Variants in PIK3R6 observed in about 807,000 individuals in gnomAD.
PIK3R6 encodes the protein phosphoinositide 3-kinase regulatory subunit 6.
A neutral mutation model predicts 84.9 loss-of-function variants in PIK3R6; 91 were observed. That is an observed-to-expected ratio of 1.07 (90% CI 0.90 to 1.28). The LOEUF (loss-of-function observed/expected upper bound fraction) is 1.28. Among genes scored for constraint, PIK3R6 ranks in the 50% most tolerant of loss-of-function variants. The pLI is 0.00. For synonymous variants in PIK3R6, 416 were observed against 411.4 expected (o/e 1.01, Z -0.13); for missense variants, 996 against 985.1 (o/e 1.01, Z -0.15).
At chr17:8,824,452 A>G (rs1320300373) in intron 13 of PIK3R6, among the ~76,000 whole-genome samples, 1 of 152,224 alleles carries the variant, frequency 6.6e-6, no homozygotes, top group Non-Finnish European at 1.5e-5. Flanking sequence ...TCCAACTCAT[A>G]TCCGATCCTC....
intron 8 of PIK3R6, 82 bp from the exon 9 acceptor site, chr17:8,833,127 G>A (rs2088321086): frequency 6.9e-7 from 1 of 1,451,478 alleles, no homozygotes; most frequent in Non-Finnish European, 9.1e-7. Context: ...GCAGGGCCCT[G>A]GCAGCCCAAG....
In PIK3R6 at chr17:8,836,804, C is replaced by A; in HGVS notation, c.378G>T (p.Glu126Asp). The change falls in exon 6 of 20, where the codon GAG (glutamate) becomes GAT (aspartate). Residue 126 changes from glutamate (E) to aspartate (D), a missense_variant. Glu to Asp is a conservative substitution (Grantham distance 45). Transcript: ENST00000619866. ...ALDCAIRLKT[E>D]MAVPGTLYQR... ...AGTGACTCTTACCTGGGACAGCCAT[C>A]TCCGTTTTCAGCCTTATCGCGCAGT... The A allele has an allele frequency of 6.2e-7, 1 of 1,608,840 alleles. No homozygotes were observed.
chr17:8,827,315 C>T (rs1597396056), intron 12 of PIK3R6, 21 bp from the exon 13 acceptor site: 2 of 1,547,050 alleles, frequency 1.3e-6, no homozygotes, highest in Non-Finnish European at 1.7e-6. Context: ...GGGGATGGGG[C>T]AGACCCGTCA....
chr17:8,806,376 C>T (rs756261568), intron 18 of PIK3R6, among the ~76,000 whole-genome samples: 9 of 152,196 alleles, frequency 5.9e-5, no homozygotes, highest in African/African-American at 1.4e-4. Context: ...TGGGCCTCCA[C>T]GCCCTGCCCA....
At position 8,851,697 on chromosome 17, in the gene PIK3R6, G is replaced by A. The variant is rs567866411; in HGVS notation, c.-91-1812C>T. ...CATGGCATCGCCGCTGTGGAAAATC[G>A]TATGGCATGTTCTTCAAAAAGTCAA... On this transcript the variant is annotated intron_variant, in intron 1 of 19. Coordinates refer to ENST00000619866, the MANE Select transcript of PIK3R6 (RefSeq NM_001010855.4). 3.9e-5 allele frequency among the ~76,000 whole-genome samples: 6 copies of A among 152,258 alleles called. No individual in the cohort carries two copies. The South Asian group carries it at 1.2e-3, about 32-fold the overall frequency.
intron 2 of PIK3R6, among the ~76,000 whole-genome samples, chr17:8,845,033 A>G (rs1418557188): frequency 2.6e-5 from 4 of 152,156 alleles, no homozygotes; most frequent in African/African-American, 9.7e-5. Flanking sequence ...ATAGTATTCC[A>G]TGTTGTATAT....
intron 2 of PIK3R6, among the ~76,000 whole-genome samples, chr17:8,843,945 G>C (rs2088754989): frequency 6.6e-6 from 1 of 152,302 alleles, no homozygotes; most frequent in South Asian, 2.1e-4. Flanking sequence ...GTCTAAAAAG[G>C]TGCAGAAGAA....
At position 8,803,504 on chromosome 17, in the gene PIK3R6, C is replaced by A; in HGVS notation, c.2109-75G>T. The A allele has an allele frequency of 7.0e-7, 1 of 1,437,178 alleles. No individual in the cohort carries two copies. Among genetic ancestry groups the A allele is most frequent in the South Asian group, 1.4e-5 (1 of 74,026 alleles). The allele number at this position is 1,437,178 out of a possible 1,614,324, so 89.0% of individuals were successfully genotyped here. A position where few individuals can be genotyped will look rare whatever the true frequency, so the allele number is the denominator to read the frequency against. On this transcript the variant is annotated intron_variant, in intron 19 of 19. Coordinates refer to ENST00000619866, the MANE Select transcript of PIK3R6 (RefSeq NM_001010855.4). The surrounding 1 kb of genome is among the most constrained non-coding windows in gnomAD (Gnocchi z 5.0). ...TGCCTAGGGCATTTGAAAGGCAGAG[C>A]TGTTATTGTAGGGCCTAGAGCTGTT...
At chr17:8,832,282 AT>A in intron 9 of PIK3R6, among the ~76,000 whole-genome samples, 1 of 151,376 alleles carries the variant, frequency 6.6e-6, no homozygotes, top group Non-Finnish European at 1.5e-5. Context: ...TACGCAATAT[AT>A]TTAAATATAT....
Position 8,819,096 on chromosome 17 carries a change from C to G in PIK3R6, c.1982G>C (p.Gly661Ala), listed in dbSNP as rs1447775499. 3 of 1,602,246 alleles carry G rather than the reference C, an allele frequency of 1.9e-6. No homozygotes were observed. Among genetic ancestry groups the G allele is most frequent in the Non-Finnish European group, 2.6e-6 (3 of 1,174,388 alleles). The change falls in exon 18 of 20, where the codon GGA becomes GCA. Residue 661 changes from glycine (G) to alanine (A), a missense_variant. Physicochemically the swap from Gly to Ala is moderately conservative, Grantham distance 60. Transcript: ENST00000619866. ...CTCAGTACTTACAGAGAAGGACTTT[C>G]CCGCCAAGTTGGAGGACTTGACAAC... ...TEVVKSSNLA[G>A]KSFSTVTNTF...
Position 8,849,762 on chromosome 17 carries a change from T to C in PIK3R6, c.13+20A>G. 6.2e-7 allele frequency: 1 copy of C among 1,610,364 alleles called. No individual in the cohort carries two copies. Among genetic ancestry groups the C allele is most frequent in the Non-Finnish European group, 8.5e-7 (1 of 1,177,978 alleles). ...CTCGGCAGCAGGCTCACTAGACCCC[T>C]TTCCCCCCACCACACTGACCTGAGC... On this transcript the variant is annotated intron_variant, in intron 2 of 19. Coordinates refer to ENST00000619866, the MANE Select transcript of PIK3R6 (RefSeq NM_001010855.4).
At chr17:8,845,961 A>G (rs760247587) in intron 2 of PIK3R6, among the ~76,000 whole-genome samples, 1 of 152,098 alleles carries the variant, frequency 6.6e-6, no homozygotes, top group Admixed American at 6.5e-5. Flanking sequence ...AAACAAAAAG[A>G]AGCTTTTTAG....
At chr17:8,834,997 C>T (rs1399370405) in intron 8 of PIK3R6, among the ~76,000 whole-genome samples, 2 of 152,088 alleles carry the variant, frequency 1.3e-5, no homozygotes, top group Non-Finnish European at 2.9e-5. Context: ...GCCACCACGG[C>T]CAGTTAGTTT....
intron 10 of PIK3R6, among the ~76,000 whole-genome samples, chr17:8,829,449 C>T (rs1026947882): frequency 1.3e-5 from 2 of 150,808 alleles, no homozygotes; most frequent in East Asian, 1.9e-4. Flanking sequence ...CACACTGACA[C>T]GCATCCACAC....
chr17:8,820,541 C>CT (rs1005160920), intron 17 of PIK3R6, among the ~76,000 whole-genome samples: 1 of 152,204 alleles, frequency 6.6e-6, no homozygotes, highest in African/African-American at 2.4e-5. Flanking sequence ...TGGTCTGCTC[C>CT]TGAGCCACTT....
At position 8,827,152 on chromosome 17, in the gene PIK3R6, G is replaced by A. The variant is rs763204022; in HGVS notation, c.1515+20C>T. 4 of 1,610,618 alleles carry A rather than the reference G, an allele frequency of 2.5e-6. No homozygotes were observed. Among genetic ancestry groups the A allele is most frequent in the Middle Eastern group, 1.7e-4 (1 of 6,048 alleles). ...ACTCCCGTCCCTCTCTCCCTCCCTGGTACCCTCACCCTCCCCTACCATCTC... is the reference window on the plus strand; with the variant it reads ...ACTCCCGTCCCTCTCTCCCTCCCTGATACCCTCACCCTCCCCTACCATCTC... On this transcript the variant is annotated intron_variant, in intron 13 of 19. Coordinates refer to ENST00000619866, the MANE Select transcript of PIK3R6 (RefSeq NM_001010855.4).
chr17:8,822,795 CG>C, intron 15 of PIK3R6, 138 bp from the exon 16 acceptor site: 3 of 1,030,906 alleles, frequency 2.9e-6, no homozygotes, highest in Non-Finnish European at 4.3e-6. Context: ...GTGACACCTC[CG>C]GGGGCCAGGA....
intron 1 of PIK3R6, among the ~76,000 whole-genome samples, chr17:8,854,576 G>T (rs2089075639): frequency 6.6e-6 from 1 of 152,226 alleles, no homozygotes; most frequent in Non-Finnish European, 1.5e-5. Context: ...TGATAAAGTT[G>T]TAAAGGCAAG....
intron 18 of PIK3R6, among the ~76,000 whole-genome samples, chr17:8,815,070 C>T (rs73973225): frequency 0.014 from 2,142 of 152,310 alleles, 58 homozygotes; most frequent in African/African-American, 0.049. Flanking sequence ...GGAACATCCA[C>T]AAACCTCTCT....
Sources: gnomAD v4.1 joint callset for allele counts (sites outside exome capture counted in the v4.1 genomes callset) on GRCh38, gnomAD v4.1.1 for gene constraint, Gnocchi (gnomAD v3.1) non-coding constraint, MANE v1.5 for transcripts, NCBI Gene and HGNC (gene_info 2026-07-23, HGNC 2026-07-21) for gene names.